CTNNA2: variants seen among roughly 807,000 people sequenced by gnomAD.
CTNNA2 encodes the protein catenin alpha 2.
Under a neutral mutation model 101.0 loss-of-function variants are expected in CTNNA2, and 42 were observed. The observed-to-expected ratio is 0.42, with a 90% CI of 0.32 to 0.54. The LOEUF (loss-of-function observed/expected upper bound fraction) is 0.54, where lower values mean the gene tolerates loss of function less well. Among genes scored for constraint, CTNNA2 ranks in the 20% least tolerant of loss-of-function variants. CTNNA2 has a pLI of 0.14. For missense variants in CTNNA2, 871 were observed against 1,223.1 expected, an observed-to-expected ratio of 0.71 and a Z score of 4.29; for synonymous variants, 450 against 456.4, an observed-to-expected ratio of 0.99 and a Z score of 0.18.
At chr2:80,026,184 G>A (rs1262677035) in intron 7 of CTNNA2, among the ~76,000 whole-genome samples, 1 of 152,172 alleles carries the variant, frequency 6.6e-6, no homozygotes, top group Non-Finnish European at 1.5e-5. Flanking sequence ...AAGAAAGCAA[G>A]TGCAAAGACT....
At chr2:79,460,148 G>T (rs970847362) in intron 4 of CTNNA2, among the ~76,000 whole-genome samples, 3 of 151,876 alleles carry the variant, frequency 2.0e-5, no homozygotes, top group African/African-American at 7.3e-5. Flanking sequence ...GCATCTTGTT[G>T]AATATCTCTA....
chr2:80,412,944 G>A (rs1231078061), intron 8 of CTNNA2, among the ~76,000 whole-genome samples: 2 of 152,112 alleles, frequency 1.3e-5, no homozygotes, highest in Non-Finnish European at 2.9e-5. Flanking sequence ...ACGTCCATTG[G>A]CCCTAAACAT....
intron 18 of CTNNA2, among the ~76,000 whole-genome samples, chr2:80,641,973 C>T (rs1673544753): frequency 6.6e-6 from 1 of 152,052 alleles, no homozygotes; most frequent in Admixed American, 6.6e-5. Context: ...TTGGGAAGAT[C>T]AATATAAGCA....
At chr2:80,406,266 G>A (rs1386808714) in intron 8 of CTNNA2, among the ~76,000 whole-genome samples, 6 of 152,088 alleles carry the variant, frequency 3.9e-5, no homozygotes, top group East Asian at 2.0e-4. Flanking sequence ...CCCGGGAGGC[G>A]GAGGTTACAG....
At chr2:79,467,833 AT>A (rs1396413489) in intron 4 of CTNNA2, among the ~76,000 whole-genome samples, 4 of 152,178 alleles carry the variant, frequency 2.6e-5, no homozygotes, top group African/African-American at 9.6e-5. Context: ...ATGCTGAGAG[AT>A]TTTTGTCACT....
intron 7 of CTNNA2, among the ~76,000 whole-genome samples, chr2:80,001,307 T>A (rs533446667): frequency 6.6e-6 from 1 of 152,302 alleles, no homozygotes; most frequent in East Asian, 1.9e-4. Flanking sequence ...AACTCAGAAT[T>A]GTTTTTCTGT....
intron 4 of CTNNA2, among the ~76,000 whole-genome samples, chr2:79,420,561 G>T (rs1055381785): frequency 6.6e-6 from 1 of 152,106 alleles, no homozygotes; most frequent in Admixed American, 6.6e-5. Context: ...GTGTAGCTTT[G>T]AAATCCAAAA....
At chr2:79,261,868 A>C (rs1002428074) in intron 2 of CTNNA2, among the ~76,000 whole-genome samples, 1 of 152,256 alleles carries the variant, frequency 6.6e-6, no homozygotes, top group Non-Finnish European at 1.5e-5. Context: ...AAAACTGTTC[A>C]GCTAACTAGT....
chr2:79,562,395 T>C (rs1322505615), intron 1 of CTNNA2, among the ~76,000 whole-genome samples: 1 of 152,000 alleles, frequency 6.6e-6, no homozygotes, highest in African/African-American at 2.4e-5. Context: ...AGTTTGTGTT[T>C]TTAAAATAAT....
chr2:80,248,363 A>G (rs1391017723), intron 7 of CTNNA2, among the ~76,000 whole-genome samples: 1 of 152,172 alleles, frequency 6.6e-6, no homozygotes, highest in Non-Finnish European at 1.5e-5. Flanking sequence ...CTGCCAGAGG[A>G]AATTAAGAAC....
chr2:79,762,714 A>G (rs1672877576), intron 3 of CTNNA2, among the ~76,000 whole-genome samples: 1 of 152,194 alleles, frequency 6.6e-6, no homozygotes, highest in African/African-American at 2.4e-5. Context: ...TCAATTAAAA[A>G]ATCAAGAATC....
At position 79,672,280 on chromosome 2, in the gene CTNNA2, C is replaced by T. The variant is rs554230156; in HGVS notation, c.102+20622C>T. On this transcript the variant is annotated intron_variant, in intron 2 of 18. Transcript: ENST00000402739. Reference sequence around the variant, plus strand: ...TAGCCCTGGCATCATGAAAAGGTAACCAAAAATATATTTCTCTAGAAACAA... The same window carrying T: ...TAGCCCTGGCATCATGAAAAGGTAATCAAAAATATATTTCTCTAGAAACAA... Among the ~76,000 whole-genome samples, 3 of 152,066 alleles carry T rather than the reference C, an allele frequency of 2.0e-5. No homozygotes were observed. The East Asian group carries it at 5.8e-4, about 29-fold the overall frequency.
chr2:79,696,076 A>G (rs539514487), intron 2 of CTNNA2, among the ~76,000 whole-genome samples: 4 of 152,072 alleles, frequency 2.6e-5, no homozygotes, highest in East Asian at 3.9e-4. Context: ...ACAGCCAATT[A>G]AACACTCTAG....
At chr2:79,799,063 T>C (rs11886039) in intron 3 of CTNNA2, among the ~76,000 whole-genome samples, 18,508 of 152,064 alleles carry the variant, frequency 0.12, 1,669 homozygotes, top group East Asian at 0.37. Flanking sequence ...AGCCCAGATT[T>C]GCAATCCAGG....
intron 1 of CTNNA2, chr2:79,649,413 G>A (rs1681056328): frequency 6.5e-6 from 1 of 154,650 alleles, no homozygotes; most frequent in African/African-American, 2.4e-5. Context: ...GATTCCATTA[G>A]AGTTTGAAAA....
intron 7 of CTNNA2, among the ~76,000 whole-genome samples, chr2:80,267,716 T>A (rs1483823367): frequency 2.6e-5 from 4 of 152,144 alleles, no homozygotes; most frequent in African/African-American, 4.8e-5. Flanking sequence ...TGAGGAGACA[T>A]CTGTAGAATG....
intron 7 of CTNNA2, among the ~76,000 whole-genome samples, chr2:80,146,850 G>A (rs1267537606): frequency 2.1e-5 from 3 of 145,412 alleles, no homozygotes; most frequent in African/African-American, 5.0e-5. Flanking sequence ...TCAGCCTCCC[G>A]AGTAACTGGG....
At chr2:79,820,484 G>A (rs979012036) in intron 3 of CTNNA2, among the ~76,000 whole-genome samples, 5 of 152,206 alleles carry the variant, frequency 3.3e-5, no homozygotes, top group Middle Eastern at 3.4e-3. Flanking sequence ...CCTTATCTTC[G>A]GAATGTCTTT....
chr2:80,266,869 C>G (rs1297578184), intron 7 of CTNNA2, among the ~76,000 whole-genome samples: 1 of 152,098 alleles, frequency 6.6e-6, no homozygotes, highest in East Asian at 1.9e-4. Context: ...TGTTCTGCCT[C>G]CAGATGGGCC....
Sources: gnomAD v4.1 joint callset for allele counts (sites outside exome capture counted in the v4.1 genomes callset) on GRCh38, gnomAD v4.1.1 for gene constraint, MANE v1.5 for transcripts, NCBI Gene and HGNC (gene_info 2026-07-23, HGNC 2026-07-21) for gene names.